Variants in CRYBG1 observed in about 807,000 individuals in gnomAD.
The protein encoded by CRYBG1 is beta/gamma crystallin domain-containing protein 1.
A neutral mutation model predicts 189.2 loss-of-function variants in CRYBG1; 139 were observed. That is an observed-to-expected ratio of 0.73 (90% CI 0.64 to 0.85). CRYBG1 has a LOEUF of 0.85. CRYBG1 is among the 40% of genes least tolerant of loss of function. The probability of loss-of-function intolerance (pLI) is 0.00; values close to 1 mark genes in which losing one functional copy is unlikely to be tolerated. For missense variants in CRYBG1, 2,611 were observed against 2,675.8 expected (o/e 0.98, Z 0.53); for synonymous variants, 1,023 against 1,017.1 (o/e 1.01, Z -0.11).
intron 1 of CRYBG1, among the ~76,000 whole-genome samples, chr6:106,373,197 A>G (rs1441008743): frequency 6.6e-6 from 1 of 152,216 alleles, no homozygotes; most frequent in African/African-American, 2.4e-5. Context: ...TATGCCTTAT[A>G]AAGTTAATGG....
chr6:106,363,055 C>A (rs1012949362), intron 1 of CRYBG1, among the ~76,000 whole-genome samples: 1 of 151,412 alleles, frequency 6.6e-6, no homozygotes, highest in Non-Finnish European at 1.5e-5. Context: ...ACCATCCTGG[C>A]TAACACGGTG....
intron 1 of CRYBG1, among the ~76,000 whole-genome samples, chr6:106,361,969 C>CTTTCTTTCTTTCTTTCTTTCTTTCT (rs1562285527): frequency 1.8e-5 from 2 of 112,352 alleles, no homozygotes; most frequent in East Asian, 2.6e-4. Context: ...TTCTTTCTTT[C>CTTTCTTTCTTTCTTTCTTTCTTTCT]TTTTTTTTTT....
chr6:106,446,834 T>C (rs6919997), intron 1 of CRYBG1, among the ~76,000 whole-genome samples: 48,171 of 152,154 alleles, frequency 0.32, 8,171 homozygotes, highest in East Asian at 0.54. Context: ...AGAATAGCCA[T>C]GCGGCTCTTT....
In CRYBG1 at chr6:106,512,069, A is replaced by G. The variant is rs988869713; in HGVS notation, c.952A>G (p.Ser318Gly). The G allele has an allele frequency of 9.1e-6, 14 of 1,534,104 alleles. No homozygotes were observed. In the Admixed American group the frequency reaches 2.6e-4, roughly 28 times the overall value. ...AGGCGAGGCCCCTAACGGAGCCCCC[A>G]GTGTGTGTGCCGAAGAAGGCTCCCT... ...GLGEAPNGAP[S>G]VCAEEGSLGP... is the part of the protein sequence containing the mutation. The change falls in exon 3 of 22, where the codon AGT (serine) becomes GGT (glycine). Residue 318 changes from serine (S) to glycine (G), a missense_variant. By Grantham distance (56) the Ser-to-Gly change is moderately conservative. Transcript: ENST00000633556.
intron 2 of CRYBG1, chr6:106,457,118 G>A (rs924962218): frequency 6.6e-6 from 1 of 152,112 alleles, no homozygotes; most frequent in African/African-American, 2.4e-5. Context: ...TATCTAAAAT[G>A]GGTTAATTTA....
rs1008099880 is a variant in CRYBG1 at position 106,540,740 on chromosome 6, C to A, written c.4846-846C>A. ...TAAAAGTTAAGGAAACCAACACATT[C>A]TTTTATAATTATAGTTCATTTGGTG... is the stretch of plus-strand genomic sequence containing the variant. On this transcript the variant is annotated intron_variant, in intron 9 of 21. Transcript: ENST00000633556. 8.0e-5 allele frequency among the ~76,000 whole-genome samples: 12 copies of A among 150,416 alleles called. No homozygotes were observed. In the East Asian group the frequency reaches 2.3e-3, roughly 29 times the overall value.
intron 21 of CRYBG1, among the ~76,000 whole-genome samples, chr6:106,565,143 C>A (rs921754233): frequency 1.3e-5 from 2 of 151,936 alleles, no homozygotes; most frequent in African/African-American, 2.4e-5. Flanking sequence ...CATGGTGAAA[C>A]CCCGTCTCTA....
At chr6:106,456,217 G>A (rs1193103376) in intron 2 of CRYBG1, among the ~76,000 whole-genome samples, 1 of 152,080 alleles carries the variant, frequency 6.6e-6, no homozygotes, top group East Asian at 1.9e-4. Flanking sequence ...GAAGTGGTGT[G>A]ATCTTGGCTT....
chr6:106,451,062 C>G (rs1306698172), intron 1 of CRYBG1, among the ~76,000 whole-genome samples: 1 of 152,094 alleles, frequency 6.6e-6, no homozygotes, highest in Non-Finnish European at 1.5e-5. Context: ...AATTGCTGAA[C>G]AAATTTAGGA....
intron 18 of CRYBG1, among the ~76,000 whole-genome samples, chr6:106,559,848 A>G (rs1774657913): frequency 6.6e-6 from 1 of 152,170 alleles, no homozygotes; most frequent in African/African-American, 2.4e-5. Context: ...TAACCCTAGC[A>G]CTTTGGGAGG....
chr6:106,384,172 G>A lies in CRYBG1; in HGVS notation c.173+23091G>A, dbSNP rs547827184. Among the ~76,000 whole-genome samples the A allele has an allele frequency of 2.1e-4, 32 of 152,254 alleles. No homozygotes were observed. In the South Asian group the frequency reaches 3.9e-3, roughly 19 times the overall value. ...ATGGAAAATAGCATGAGTTTAAACT[G>A]TGACCCAAAACAAGGCTACAGAGAC... On this transcript the variant is annotated intron_variant, in intron 1 of 21. Coordinates refer to ENST00000633556, the MANE Select transcript of CRYBG1 (RefSeq NM_001371242.2).
At chr6:106,367,584 T>TAAAAA (rs35734014) in intron 1 of CRYBG1, among the ~76,000 whole-genome samples, 3 of 103,390 alleles carry the variant, frequency 2.9e-5, no homozygotes, top group South Asian at 3.4e-4. Flanking sequence ...AGACTCTGTC[T>TAAAAA]AAAAAAAAAA....
At chr6:106,370,387 A>G (rs1769995028) in intron 1 of CRYBG1, among the ~76,000 whole-genome samples, 1 of 152,226 alleles carries the variant, frequency 6.6e-6, no homozygotes, top group Admixed American at 6.5e-5. Context: ...TGCCCATGCT[A>G]AAGAGGCATG....
intron 21 of CRYBG1, 28 bp from the exon 22 acceptor site, chr6:106,568,444 C>A (rs1447788634): frequency 1.3e-6 from 2 of 1,556,284 alleles, no homozygotes. Context: ...TGGGTACATT[C>A]ATCTTTTATT....
intron 1 of CRYBG1, among the ~76,000 whole-genome samples, chr6:106,444,865 G>T (rs1771634792): frequency 6.6e-6 from 1 of 152,150 alleles, no homozygotes; most frequent in Admixed American, 6.5e-5. Flanking sequence ...AAGACTTGGT[G>T]GCTCACACCT....
chr6:106,527,532 G>T, intron 7 of CRYBG1, 62 bp downstream of exon 7: 1 of 1,522,320 alleles, frequency 6.6e-7, no homozygotes, highest in Non-Finnish European at 8.9e-7. Context: ...CTTACTTTAA[G>T]GGAAATGATC....
Position 106,512,491 on chromosome 6 carries a change from C to T in CRYBG1, c.1374C>T (p.Ser458=), listed in dbSNP as rs572647174. Reference sequence around the variant, plus strand: ...ACGAGGTGGCGCCAAACGCGGCCAGCGATAACGCCTCGGCGGAAAAGAAAG... The same window carrying T: ...ACGAGGTGGCGCCAAACGCGGCCAGTGATAACGCCTCGGCGGAAAAGAAAG... ...FDDEVAPNAA[S]DNASAEKKVK... The change falls in exon 3 of 22, where the codon AGC becomes AGT. Residue 458 remains serine (S), a synonymous_variant. Transcript: ENST00000633556. 10 of 1,611,296 alleles carry T rather than the reference C, an allele frequency of 6.2e-6. No homozygotes were observed. The African/African-American group carries it at 6.7e-5, about 11-fold the overall frequency.
At chr6:106,524,230 A>G (rs181070762) in intron 4 of CRYBG1, among the ~76,000 whole-genome samples, 3 of 152,204 alleles carry the variant, frequency 2.0e-5, no homozygotes, top group Admixed American at 6.5e-5. Flanking sequence ...GAAAATGATT[A>G]GTTTTGGAGC....
At chr6:106,364,289 C>A (rs1179574238) in intron 1 of CRYBG1, among the ~76,000 whole-genome samples, 1 of 151,696 alleles carries the variant, frequency 6.6e-6, no homozygotes, top group Admixed American at 6.6e-5. Flanking sequence ...ATCATGCCAT[C>A]GCACTCTAGC....
Sources: allele counts gnomAD v4.1 joint callset (sites outside exome capture counted in the v4.1 genomes callset), GRCh38; gene constraint gnomAD v4.1.1; transcripts MANE v1.5; gene names NCBI Gene and HGNC (gene_info 2026-07-23, HGNC 2026-07-21).